Variants in PHACTR1 observed in about 807,000 individuals in gnomAD.
PHACTR1 encodes the protein RPEL repeat containing 1.
Under a neutral mutation model 69.2 loss-of-function variants are expected in PHACTR1, and 16 were observed. That is an observed-to-expected ratio of 0.23 (90% CI 0.16 to 0.35). PHACTR1 has a LOEUF of 0.35. Among genes scored for constraint, PHACTR1 ranks in the 10% least tolerant of loss-of-function variants. PHACTR1 has a pLI of 1.00. For missense variants in PHACTR1, 510 were observed against 734.7 expected (o/e 0.69, Z 3.54); for synonymous variants, 312 against 284.5 (o/e 1.10, Z -0.97).
At chr6:13,125,692 G>A (rs1462280192) in intron 5 of PHACTR1, among the ~76,000 whole-genome samples, 1 of 152,134 alleles carries the variant, frequency 6.6e-6, no homozygotes, top group Non-Finnish European at 1.5e-5. Context: ...ACTTTGGGAG[G>A]CCAATGCAGG....
chr6:13,071,994 A>G (rs959560298), intron 5 of PHACTR1, among the ~76,000 whole-genome samples: 4 of 152,356 alleles, frequency 2.6e-5, no homozygotes, highest in South Asian at 4.1e-4. Flanking sequence ...TTTATATGAA[A>G]AAAAGGTTAT....
intron 7 of PHACTR1, among the ~76,000 whole-genome samples, chr6:13,193,558 T>A (rs553469382): frequency 6.6e-6 from 1 of 151,230 alleles, no homozygotes; most frequent in Admixed American, 6.6e-5. Context: ...AGCTAATTTT[T>A]TAAAATTTTT....
chr6:13,272,793 C>A lies in PHACTR1; in HGVS notation c.1392-67C>A, dbSNP rs114154087. ...GACTGTCTCATGTATCTGCAAGGGCCGAGGAAATTAATGACCCAAGGAGGC... is the reference window on the plus strand; with the variant it reads ...GACTGTCTCATGTATCTGCAAGGGCAGAGGAAATTAATGACCCAAGGAGGC... On this transcript the variant is annotated intron_variant, in intron 10 of 14. Transcript: ENST00000332995. 5,410 of 1,613,906 alleles carry A rather than the reference C, an allele frequency of 3.4e-3. 135 individuals are homozygous for A. The African/African-American group carries it at 0.053, about 16-fold the overall frequency.
At chr6:12,939,019 C>G (rs1415942656) in intron 4 of PHACTR1, among the ~76,000 whole-genome samples, 1 of 152,150 alleles carries the variant, frequency 6.6e-6, no homozygotes, top group Non-Finnish European at 1.5e-5. Context: ...TATGAACAGT[C>G]ACATACAAAT....
intron 4 of PHACTR1, among the ~76,000 whole-genome samples, chr6:13,041,302 A>C (rs13205960): frequency 0.16 from 24,741 of 150,922 alleles, 2,523 homozygotes; most frequent in South Asian, 0.26. Context: ...AATCAAAACA[A>C]GTCCAAGTTA....
intron 3 of PHACTR1, among the ~76,000 whole-genome samples, chr6:12,742,221 A>G (rs1294170887): frequency 6.6e-6 from 1 of 152,150 alleles, no homozygotes; most frequent in Non-Finnish European, 1.5e-5. Context: ...ATTATATGCT[A>G]AACAAAGGGT....
In PHACTR1 at chr6:12,749,404, C is replaced by T. The variant is rs549816846; in HGVS notation, c.104-240C>T. On this transcript the variant is annotated intron_variant, in intron 3 of 14. Transcript: ENST00000332995. ...AGCCAGGGATAGCCTGATCTCTGCT[C>T]CAGTCCACAGATCCTTAACGGATTT... The T allele has an allele frequency of 4.0e-4, 233 of 587,472 alleles. No homozygotes were observed. The African/African-American group carries it at 4.1e-3, about 10-fold the overall frequency. The allele number at this position is 587,472 out of a possible 1,614,324, so 36.4% of individuals were successfully genotyped here.
chr6:13,174,055 A>ATTTTCTATT (rs1760993413), intron 6 of PHACTR1, among the ~76,000 whole-genome samples: 1 of 152,112 alleles, frequency 6.6e-6, no homozygotes, highest in Admixed American at 6.6e-5. Flanking sequence ...CACATAGAAA[A>ATTTTCTATT]CATATATCAA....
chr6:13,094,110 G>A (rs1813739169), intron 5 of PHACTR1, among the ~76,000 whole-genome samples: 1 of 151,912 alleles, frequency 6.6e-6, no homozygotes, highest in African/African-American at 2.4e-5. Flanking sequence ...TGGGCTCAAG[G>A]GCTCAAGCAG....
At chr6:12,752,515 T>G (rs550817774) in intron 4 of PHACTR1, among the ~76,000 whole-genome samples, 1 of 152,254 alleles carries the variant, frequency 6.6e-6, no homozygotes, top group Non-Finnish European at 1.5e-5. Flanking sequence ...ATGTTTAATA[T>G]TTGCTTTCCC....
chr6:12,744,373 A>C (rs1462542588), intron 3 of PHACTR1, among the ~76,000 whole-genome samples: 1 of 152,076 alleles, frequency 6.6e-6, no homozygotes, highest in Non-Finnish European at 1.5e-5. Flanking sequence ...TAGTTTCCAA[A>C]TTTTGGAGAA....
chr6:12,853,778 C>G (rs1449614674), intron 4 of PHACTR1, among the ~76,000 whole-genome samples: 1 of 152,144 alleles, frequency 6.6e-6, no homozygotes, highest in Non-Finnish European at 1.5e-5. Context: ...AAACTGCCCC[C>G]CTGATTCAGT....
intron 4 of PHACTR1, among the ~76,000 whole-genome samples, chr6:12,938,952 A>G: frequency 6.6e-6 from 1 of 152,292 alleles, no homozygotes; most frequent in African/African-American, 2.4e-5. Flanking sequence ...TTGTCCATTT[A>G]CCTGTTAATG....
At chr6:12,718,923 T>C in intron 3 of PHACTR1, 76 bp downstream of exon 3, 1 of 811,136 alleles carries the variant, frequency 1.2e-6, no homozygotes, top group Non-Finnish European at 1.9e-6. Context: ...GCTGTAGCTG[T>C]TAAAGCCTTG....
chr6:12,777,233 A>G (rs1324682115), intron 4 of PHACTR1, among the ~76,000 whole-genome samples: 2 of 120,832 alleles, frequency 1.7e-5, no homozygotes, highest in East Asian at 3.9e-4. Flanking sequence ...ATATATATAT[A>G]TATATATATT....
In PHACTR1 at chr6:12,963,995, C is replaced by T. The variant is rs192851275; in HGVS notation, c.251-89370C>T. Reference sequence around the variant, plus strand: ...AAGAAAACTAGTTAATATTGGCTCCCTTTGGCTTTAGTATAAATTACGAAC... The same window carrying T: ...AAGAAAACTAGTTAATATTGGCTCCTTTTGGCTTTAGTATAAATTACGAAC... On this transcript the variant is annotated intron_variant, in intron 4 of 14. Coordinates refer to ENST00000332995, the MANE Select transcript of PHACTR1 (RefSeq NM_030948.6). Among the ~76,000 whole-genome samples the T allele has an allele frequency of 2.2e-3, 329 of 152,256 alleles. 1 individual carries two copies. The highest frequency in any genetic ancestry group is 7.4e-3 in the African/African-American group (306 of 41,548).
intron 10 of PHACTR1, among the ~76,000 whole-genome samples, chr6:13,253,588 A>G (rs1012874985): frequency 6.6e-6 from 1 of 152,226 alleles, no homozygotes; most frequent in African/African-American, 2.4e-5. Context: ...TAGAGAAGTA[A>G]GGACAATAAG....
chr6:13,176,990 A>T (rs1177475738), intron 6 of PHACTR1, among the ~76,000 whole-genome samples: 1 of 152,002 alleles, frequency 6.6e-6, no homozygotes, highest in Non-Finnish European at 1.5e-5. Flanking sequence ...TAAAAATCCT[A>T]AACTCCAGAG....
Position 12,753,965 on chromosome 6 carries a change from TATA to T in PHACTR1, c.250+4176_250+4178del, listed in dbSNP as rs1379637084. Reference sequence around the variant, plus strand: ...GTAAATATATATATATATATATATATATATATTTTTTTTTTGAGACAGAGTCTC... The same window carrying T: ...GTAAATATATATATATATATATATATTATTTTTTTTTTGAGACAGAGTCTC... On this transcript the variant is annotated intron_variant, in intron 4 of 14. Transcript: ENST00000332995. 7.9e-3 allele frequency among the ~76,000 whole-genome samples: 366 copies of T among 46,612 alleles called. 4 individuals carry two copies. The highest frequency in any genetic ancestry group is 0.012 in the African/African-American group (153 of 12,322). 30.6% of individuals were successfully genotyped at this position (46,612 alleles called of 152,430 possible). A position where few individuals can be genotyped will look rare whatever the true frequency, so the allele number is the denominator to read the frequency against.
Sources: allele counts gnomAD v4.1 joint callset (sites outside exome capture counted in the v4.1 genomes callset), GRCh38; gene constraint gnomAD v4.1.1; transcripts MANE v1.5; gene names NCBI Gene and HGNC (gene_info 2026-07-23, HGNC 2026-07-21).